The following GPC6 variants were observed in gnomAD, a reference collection of about 807,000 sequenced individuals.
GPC6 encodes glypican 6, also known as glypican-6.
Under a neutral mutation model 55.2 loss-of-function variants are expected in GPC6, and 14 were observed. The ratio of observed to expected loss-of-function variants is 0.25; its 90% CI spans 0.17 to 0.40. The LOEUF (loss-of-function observed/expected upper bound fraction) is 0.40. Ranked by LOEUF, GPC6 falls within the 10% of genes least tolerant of loss-of-function variation. The probability of loss-of-function intolerance (pLI) is 1.00; values close to 1 mark genes in which losing one functional copy is unlikely to be tolerated. For synonymous variants in GPC6, 278 were observed against 259.6 expected (o/e 1.07, Z -0.68); for missense variants, 641 against 708.5 (o/e 0.90, Z 1.08).
chr13:93,892,758 C>A (rs1456127883), intron 3 of GPC6, among the ~76,000 whole-genome samples: 1 of 152,160 alleles, frequency 6.6e-6, no homozygotes, highest in Non-Finnish European at 1.5e-5. Context: ...TATCATTAAC[C>A]TCTTTCCATT....
At position 94,072,026 on chromosome 13, in the gene GPC6, C is replaced by T. The variant is rs564386859; in HGVS notation, c.877+44132C>T. Among the ~76,000 whole-genome samples the T allele has an allele frequency of 7.9e-5, 12 of 152,226 alleles. No individual in the cohort carries two copies. The South Asian group carries it at 2.5e-3, about 32-fold the overall frequency. On this transcript the variant is annotated intron_variant, in intron 4 of 8. Transcript: ENST00000377047. Reference sequence around the variant, plus strand: ...TAATGTCTTTTCCTACCATTTATTTCCCCTTCTAAACAAGTTTATTTTAGT... The same window carrying T: ...TAATGTCTTTTCCTACCATTTATTTTCCCTTCTAAACAAGTTTATTTTAGT...
intron 1 of GPC6, among the ~76,000 whole-genome samples, chr13:93,502,061 C>T (rs1880541239): frequency 6.6e-6 from 1 of 151,976 alleles, no homozygotes; most frequent in African/African-American, 2.4e-5. Context: ...AAGTAATAGA[C>T]CCAGGCACAT....
intron 6 of GPC6, among the ~76,000 whole-genome samples, chr13:94,380,900 T>C (rs1394805595): frequency 6.6e-6 from 1 of 152,226 alleles, no homozygotes; most frequent in Admixed American, 6.5e-5. Flanking sequence ...TTGTCTTTTA[T>C]GATGGACATT....
intron 2 of GPC6, among the ~76,000 whole-genome samples, chr13:93,598,113 C>T (rs1201133269): frequency 6.6e-6 from 1 of 152,112 alleles, no homozygotes; most frequent in Non-Finnish European, 1.5e-5. Flanking sequence ...CACTGCACTC[C>T]AGCCTGGCAA....
intron 7 of GPC6, among the ~76,000 whole-genome samples, chr13:94,384,595 A>ACTACC: frequency 6.6e-6 from 1 of 152,234 alleles, no homozygotes; most frequent in East Asian, 1.9e-4. Flanking sequence ...GAGACTAAAC[A>ACTACC]CTACCAAGAA....
chr13:93,425,007 TG>T (rs1319273105), intron 1 of GPC6, among the ~76,000 whole-genome samples: 8 of 152,084 alleles, frequency 5.3e-5, no homozygotes, highest in Non-Finnish European at 8.8e-5. Context: ...GATGAGTGTT[TG>T]GGATATACCT....
At chr13:94,345,984 CTTCTAGTGGA>C (rs1479443586) in intron 6 of GPC6, among the ~76,000 whole-genome samples, 1 of 152,102 alleles carries the variant, frequency 6.6e-6, no homozygotes, top group East Asian at 1.9e-4. Context: ...CTTCTCTAAG[CTTCTAGTGGA>C]TTTCCCAACA....
chr13:94,141,785 T>C (rs1200885731), intron 4 of GPC6, among the ~76,000 whole-genome samples: 1 of 152,252 alleles, frequency 6.6e-6, no homozygotes, highest in African/African-American at 2.4e-5. Flanking sequence ...CTCAGTTTCA[T>C]TGAGAATATG....
intron 4 of GPC6, among the ~76,000 whole-genome samples, chr13:94,052,007 G>C (rs1199585718): frequency 6.6e-6 from 1 of 152,108 alleles, no homozygotes; most frequent in African/African-American, 2.4e-5. Flanking sequence ...CTCCATGTAA[G>C]GTAGTGGAAA....
chr13:93,957,955 T>C (rs2140379873), intron 3 of GPC6, among the ~76,000 whole-genome samples: 1 of 152,356 alleles, frequency 6.6e-6, no homozygotes, highest in South Asian at 2.1e-4. Flanking sequence ...TGCATTTCTC[T>C]GACAATTAGT....
At chr13:93,363,533 A>G (rs1034049462) in intron 1 of GPC6, among the ~76,000 whole-genome samples, 6 of 151,368 alleles carry the variant, frequency 4.0e-5, no homozygotes, top group African/African-American at 7.3e-5. Flanking sequence ...CCAGTCTATC[A>G]TTGTTGGACA....
intron 1 of GPC6, among the ~76,000 whole-genome samples, chr13:93,234,869 C>G (rs1876180517): frequency 6.6e-6 from 1 of 152,136 alleles, no homozygotes; most frequent in Admixed American, 6.5e-5. Context: ...AGACTATTAA[C>G]AGTATCAGTG....
At chr13:94,021,937 A>G (rs1882711606) in intron 3 of GPC6, among the ~76,000 whole-genome samples, 1 of 152,106 alleles carries the variant, frequency 6.6e-6, no homozygotes, top group Non-Finnish European at 1.5e-5. Flanking sequence ...TTCCCAACTA[A>G]TATTGTAAAA....
intron 2 of GPC6, among the ~76,000 whole-genome samples, chr13:93,728,408 T>C (rs1883717299): frequency 6.7e-6 from 1 of 150,334 alleles, no homozygotes. Context: ...TATATATATA[T>C]ATTTTTATTT....
intron 1 of GPC6, among the ~76,000 whole-genome samples, chr13:93,281,925 T>C (rs1877964102): frequency 6.6e-6 from 1 of 152,228 alleles, no homozygotes; most frequent in Admixed American, 6.5e-5. Flanking sequence ...ATGAACATTT[T>C]CTCACATTTG....
At chr13:93,273,967 C>G (rs1877640084) in intron 1 of GPC6, among the ~76,000 whole-genome samples, 1 of 151,674 alleles carries the variant, frequency 6.6e-6, no homozygotes, top group Admixed American at 6.6e-5. Flanking sequence ...ACCACCATGC[C>G]CAGCTAATTT....
At chr13:93,344,413 A>G (rs1880364826) in intron 1 of GPC6, among the ~76,000 whole-genome samples, 1 of 152,162 alleles carries the variant, frequency 6.6e-6, no homozygotes, top group Non-Finnish European at 1.5e-5. Context: ...AAAACCTGTC[A>G]GTGTTTTCTT....
intron 1 of GPC6, among the ~76,000 whole-genome samples, chr13:93,250,136 A>C (rs867148490): frequency 2.1e-4 from 32 of 152,184 alleles, no homozygotes; most frequent in African/African-American, 7.0e-4. Flanking sequence ...AACAGGGGTA[A>C]TAGCAATTCC....
chr13:94,158,100 CA>C (rs1888018513), intron 4 of GPC6, among the ~76,000 whole-genome samples: 1 of 152,130 alleles, frequency 6.6e-6, no homozygotes, highest in Non-Finnish European at 1.5e-5. Flanking sequence ...TCAGTAAGCC[CA>C]ATTTCCTGCC....
Sources: allele counts gnomAD v4.1 joint callset (sites outside exome capture counted in the v4.1 genomes callset), GRCh38; gene constraint gnomAD v4.1.1; transcripts MANE v1.5; gene names NCBI Gene and HGNC (gene_info 2026-07-23, HGNC 2026-07-21).